Variants in METTL3 observed in about 807,000 individuals in gnomAD.
METTL3 encodes the protein methyltransferase 3, N6-adenosine-methyltransferase complex catalytic subunit.
In METTL3, 42 loss-of-function variants were observed where a neutral mutation model predicts 64.3. That is an observed-to-expected ratio of 0.65 (90% CI 0.51 to 0.84). METTL3 has a LOEUF of 0.84. METTL3 is among the 40% of genes least tolerant of loss of function. The pLI is 0.00. For missense variants in METTL3, 435 were observed against 722.3 expected (o/e 0.60, Z 4.56); for synonymous variants, 256 against 263.6 (o/e 0.97, Z 0.28).
intron 10 of METTL3, chr14:21,498,603 A>G: frequency 1.8e-6 from 1 of 553,784 alleles, no homozygotes; most frequent in East Asian, 3.0e-5. Context: ...ACTAATGCTT[A>G]GCCAGGCCTG....
At chr14:21,502,990 C>T in intron 3 of METTL3, 183 bp downstream of exon 3, 1 of 668,048 alleles carries the variant, frequency 1.5e-6, no homozygotes, top group Non-Finnish European at 2.5e-6. Context: ...CAATAGCACT[C>T]CCCCATGTGT....
intron 10 of METTL3, 105 bp downstream of exon 10, chr14:21,498,920 G>T: frequency 4.1e-6 from 3 of 735,756 alleles, no homozygotes; most frequent in Non-Finnish European, 7.1e-6. Flanking sequence ...ATCCTGTGAA[G>T]CTCATTTATG....
chr14:21,499,096 C>A lies in METTL3; in HGVS notation c.1560G>T (p.Met520Ile). ...GAGTGCCAGGAGATAGTCTTTCAAT[C>A]ATGCCATAGATTTCATCTGGTTTAT... Reference protein sequence around the residue: ...TSHKPDEIYGMIERLSPGTRK... With the variant: ...TSHKPDEIYGIIERLSPGTRK... The change falls in exon 10 of 11, where the codon ATG becomes ATT. Residue 520 changes from methionine to isoleucine, a missense_variant. This residue lies in a region of METTL3 where 38 missense variants were observed against 102.3 expected (regional missense o/e 0.37). Transcript: ENST00000298717. 6.2e-7 allele frequency: 1 copy of A among 1,614,182 alleles called. No homozygotes were observed. Among genetic ancestry groups the A allele is most frequent in the East Asian group, 2.2e-5 (1 of 44,886 alleles).
At chr14:21,506,349 C>T (rs1432103093) in intron 1 of METTL3, among the ~76,000 whole-genome samples, 4 of 151,550 alleles carry the variant, frequency 2.6e-5, no homozygotes, top group African/African-American at 9.7e-5. Flanking sequence ...GTCAGGAGAT[C>T]GAGACCATCC....
rs1891618753 is a variant in METTL3 at position 21,503,381 on chromosome 14, G to A, written c.515C>T (p.Thr172Ile). 6.2e-7 allele frequency: 1 copy of A among 1,614,046 alleles called. No individual in the cohort carries two copies. The change falls in exon 3 of 11, where the codon ACT becomes ATT. Residue 172 changes from threonine to isoleucine, a missense_variant. Thr to Ile is a moderately conservative substitution (Grantham distance 89). Transcript: ENST00000298717. ...TGCACGCCGCTTCTGCCCTGTGACA[G>A]TCCCTGCTACCTCCCCAGGGCCCTT... is the stretch of plus-strand genomic sequence containing the variant. ...EKKGPGEVAG[T>I]VTGQKRRAEQ...
rs577386917 is a variant in METTL3 at position 21,503,527 on chromosome 14, A to C, written c.369T>G (p.Phe123Leu). 2 of 1,612,250 alleles carry C rather than the reference A, an allele frequency of 1.2e-6. No individual in the cohort carries two copies. Among genetic ancestry groups the C allele is most frequent in the African/African-American group, 1.3e-5 (1 of 75,060 alleles). The stretch of plus-strand genomic sequence containing the variant: ...TTACCTCAATCAACTCCTGAGCTGC[A>C]AACTTCTGCAGGAGGCTTTCTACCC... ...QDGVESLLQK[F>L]AAQELIEVKR... The change falls in exon 3 of 11, where the codon TTT (phenylalanine) becomes TTG (leucine). Residue 123 changes from phenylalanine to leucine, a missense_variant. Phe to Leu is a conservative substitution (Grantham distance 22). This residue lies in a region of METTL3 where 228 missense variants were observed against 279.6 expected (regional missense o/e 0.82). Coordinates refer to ENST00000298717, the MANE Select transcript of METTL3 (RefSeq NM_019852.5).
chr14:21,506,336 G>A (rs988907334), intron 1 of METTL3, among the ~76,000 whole-genome samples: 3 of 151,462 alleles, frequency 2.0e-5, no homozygotes, highest in Non-Finnish European at 4.4e-5. Flanking sequence ...GGCAGATCAC[G>A]AGGTCAGGAG....
At chr14:21,499,409 C>T (rs376791809) in intron 8 of METTL3, 38 bp from the exon 9 acceptor site, 21 of 1,613,154 alleles carry the variant, frequency 1.3e-5, no homozygotes, top group Non-Finnish European at 1.6e-5. Context: ...TATGAAACCA[C>T]ACCTTTGAAC....
rs1891793229 is a variant in METTL3 at position 21,509,970 on chromosome 14, GGT to G, written c.100+1152_100+1153del. Among the ~76,000 whole-genome samples the G allele has an allele frequency of 2.0e-5, 3 of 152,192 alleles. No individual in the cohort carries two copies. The South Asian group carries it at 6.2e-4, about 32-fold the overall frequency. On this transcript the variant is annotated intron_variant, in intron 1 of 10. Coordinates refer to ENST00000298717, the MANE Select transcript of METTL3 (RefSeq NM_019852.5). ...CCCCTCTTACCTCTTTAATTATCTA[GGT>G]CCTATATAGCCATAAAGGCCAAATT...
intron 8 of METTL3, 35 bp from the exon 9 acceptor site, chr14:21,499,406 C>G: frequency 6.2e-7 from 1 of 1,613,482 alleles, no homozygotes. Flanking sequence ...CCTTATGAAA[C>G]CACACCTTTG....
At chr14:21,506,048 A>C (rs1891688773) in intron 1 of METTL3, among the ~76,000 whole-genome samples, 2 of 152,146 alleles carry the variant, frequency 1.3e-5, no homozygotes, top group Admixed American at 6.6e-5. Context: ...GTTTCCATTA[A>C]AATAAAGTTT....
At chr14:21,500,347 C>T (rs1875055086) in intron 6 of METTL3, 148 bp downstream of exon 6, 1 of 744,930 alleles carries the variant, frequency 1.3e-6, no homozygotes, top group South Asian at 1.8e-5. Flanking sequence ...CTAAGCAACA[C>T]AGTGAGACTC....
chr14:21,506,070 A>T (rs529403589), intron 1 of METTL3, among the ~76,000 whole-genome samples: 1 of 151,894 alleles, frequency 6.6e-6, no homozygotes, highest in South Asian at 2.1e-4. Context: ...TTTTTTTGAG[A>T]CGGAGTCTTG....
At chr14:21,500,156 G>C (rs978366480) in intron 6 of METTL3, among the ~76,000 whole-genome samples, 3 of 152,092 alleles carry the variant, frequency 2.0e-5, no homozygotes, top group African/African-American at 7.2e-5. Flanking sequence ...TCAGGAGATA[G>C]AGACCATCCT....
intron 9 of METTL3, 40 bp from the exon 10 acceptor site, chr14:21,499,177 A>G (rs755217012): frequency 2.2e-5 from 35 of 1,589,002 alleles, no homozygotes; most frequent in Middle Eastern, 1.7e-4. Flanking sequence ...GTTACACAAG[A>G]TTGCAATTCT....
intron 4 of METTL3, 187 bp from the exon 5 acceptor site, chr14:21,501,316 A>G: frequency 3.3e-6 from 2 of 598,486 alleles, no homozygotes; most frequent in Non-Finnish European, 2.9e-6. Flanking sequence ...AACAATTGTA[A>G]TTCCTCTCTG....
At chr14:21,500,738 C>T (rs760532418) in intron 5 of METTL3, 56 bp from the exon 6 acceptor site, 41 of 1,538,754 alleles carry the variant, frequency 2.7e-5, no homozygotes, top group Admixed American at 9.3e-5. Flanking sequence ...ATTCATGGCC[C>T]GAGTCCCTCT....
intron 1 of METTL3, among the ~76,000 whole-genome samples, chr14:21,507,184 A>T (rs1043726249): frequency 3.9e-5 from 6 of 151,910 alleles, no homozygotes; most frequent in Non-Finnish European, 5.9e-5. Context: ...TCTGTCTCAA[A>T]AAATAAATAA....
At chr14:21,509,971 G>T (rs1263956792) in intron 1 of METTL3, among the ~76,000 whole-genome samples, 7 of 151,906 alleles carry the variant, frequency 4.6e-5, no homozygotes, top group Admixed American at 1.3e-4. Context: ...AATTATCTAG[G>T]TCCTATATAG....
Sources: allele counts gnomAD v4.1 joint callset (sites outside exome capture counted in the v4.1 genomes callset), GRCh38; gene constraint gnomAD v4.1.1; regional missense constraint gnomAD v4.1.1; transcripts MANE v1.5; gene names NCBI Gene and HGNC (gene_info 2026-07-23, HGNC 2026-07-21).